Variants in ASCC3 observed in about 807,000 individuals in gnomAD.
The protein encoded by ASCC3 is ASC-1 complex subunit P200.
A neutral mutation model predicts 256.3 loss-of-function variants in ASCC3; 158 were observed. That is an observed-to-expected ratio of 0.62 (90% CI 0.54 to 0.70). ASCC3 has a LOEUF of 0.70. ASCC3 is among the 30% of genes least tolerant of loss of function. ASCC3 has a pLI of 0.00. For synonymous variants in ASCC3, 948 were observed against 883.4 expected (o/e 1.07, Z -1.30); for missense variants, 2,259 against 2,626.0 (o/e 0.86, Z 3.05).
Position 100,586,289 on chromosome 6 carries a change from G to A in ASCC3, c.5550+3345C>T, listed in dbSNP as rs568242134. ...TACCTAAGCAAGCCTGGGCAATGGC[G>A]GGTGACCCTTCCCCAGCCTTGCTGC... On this transcript the variant is annotated intron_variant, in intron 36 of 41. Coordinates refer to ENST00000369162, the MANE Select transcript of ASCC3 (RefSeq NM_006828.4). Among the ~76,000 whole-genome samples the A allele has an allele frequency of 6.1e-4, 93 of 152,280 alleles. No homozygotes were observed. In the Middle Eastern group the frequency reaches 0.01, roughly 17 times the overall value.
At chr6:100,680,565 C>T (rs915515542) in intron 13 of ASCC3, among the ~76,000 whole-genome samples, 1 of 152,176 alleles carries the variant, frequency 6.6e-6, no homozygotes, top group Non-Finnish European at 1.5e-5. Context: ...CTCATATAGA[C>T]TACTGCTCTT....
At chr6:100,590,151 C>T (rs1216703007) in intron 34 of ASCC3, 92 bp from the exon 35 acceptor site, 1 of 864,626 alleles carries the variant, frequency 1.2e-6, no homozygotes, top group African/African-American at 1.7e-5. Flanking sequence ...TAAATATAAT[C>T]CCCTTTTATT....
chr6:100,772,441 G>A (rs1048825893), intron 8 of ASCC3, among the ~76,000 whole-genome samples: 1 of 152,012 alleles, frequency 6.6e-6, no homozygotes, highest in African/African-American at 2.4e-5. Flanking sequence ...TAAACAAAAT[G>A]TTATATATTG....
chr6:100,821,726 A>T (rs1385049772), intron 4 of ASCC3, among the ~76,000 whole-genome samples: 2 of 152,122 alleles, frequency 1.3e-5, no homozygotes, highest in African/African-American at 4.8e-5. Context: ...CAGAAGGCTG[A>T]GGCAAGAGAA....
At chr6:100,859,453 C>G (rs1773118361) in intron 3 of ASCC3, among the ~76,000 whole-genome samples, 1 of 152,046 alleles carries the variant, frequency 6.6e-6, no homozygotes, top group Non-Finnish European at 1.5e-5. Flanking sequence ...GTCACAAATA[C>G]TGCTATATCC....
intron 4 of ASCC3, among the ~76,000 whole-genome samples, chr6:100,816,556 A>C (rs748363732): frequency 6.6e-6 from 1 of 152,198 alleles, no homozygotes; most frequent in Non-Finnish European, 1.5e-5. Flanking sequence ...GTACATATAC[A>C]TTATGGAATA....
intron 22 of ASCC3, among the ~76,000 whole-genome samples, chr6:100,645,255 T>C (rs1192847294): frequency 6.6e-6 from 1 of 152,132 alleles, no homozygotes; most frequent in East Asian, 1.9e-4. Context: ...AGTTTATGGG[T>C]AACTGTAAAT....
chr6:100,843,725 T>C (rs1308012289), intron 4 of ASCC3, among the ~76,000 whole-genome samples: 1 of 151,910 alleles, frequency 6.6e-6, no homozygotes, highest in Non-Finnish European at 1.5e-5. Flanking sequence ...TTCTTTAGGG[T>C]AGTCAGACAT....
intron 36 of ASCC3, among the ~76,000 whole-genome samples, chr6:100,569,371 C>CT (rs1451079658): frequency 6.6e-6 from 1 of 151,642 alleles, no homozygotes; most frequent in Non-Finnish European, 1.5e-5. Flanking sequence ...TTACTGTAAC[C>CT]TTTTTTTATT....
chr6:100,866,434 A>G (rs1773481575), intron 2 of ASCC3, among the ~76,000 whole-genome samples: 1 of 152,248 alleles, frequency 6.6e-6, no homozygotes, highest in Admixed American at 6.5e-5. Context: ...AAGTTCATTC[A>G]TTCATCACAG....
At chr6:100,750,156 A>G (rs189157906) in intron 10 of ASCC3, among the ~76,000 whole-genome samples, 25 of 152,112 alleles carry the variant, frequency 1.6e-4, no homozygotes, top group Admixed American at 5.9e-4. Flanking sequence ...TGAAACTAAA[A>G]AAAATTGCCC....
intron 36 of ASCC3, among the ~76,000 whole-genome samples, chr6:100,578,007 T>A (rs759318552): frequency 2.6e-5 from 4 of 152,078 alleles, no homozygotes; most frequent in Non-Finnish European, 4.4e-5. Context: ...GACAATTTCC[T>A]TTAGCTTAGC....
intron 30 of ASCC3, among the ~76,000 whole-genome samples, chr6:100,613,944 T>G (rs1203310386): frequency 1.3e-5 from 2 of 152,144 alleles, no homozygotes; most frequent in East Asian, 3.8e-4. Flanking sequence ...TCTTGGCCAT[T>G]TGTATGTCTT....
chr6:100,784,684 C>A (rs1782609409), intron 8 of ASCC3, among the ~76,000 whole-genome samples: 2 of 151,918 alleles, frequency 1.3e-5, no homozygotes, highest in Admixed American at 1.3e-4. Context: ...TCAAAGAATT[C>A]TGCTAAAGTT....
chr6:100,528,724 A>G (rs1774718500), intron 37 of ASCC3, among the ~76,000 whole-genome samples: 1 of 152,218 alleles, frequency 6.6e-6, no homozygotes, highest in African/African-American at 2.4e-5. Flanking sequence ...ACTATATATA[A>G]CAATGGAAAC....
intron 8 of ASCC3, among the ~76,000 whole-genome samples, chr6:100,796,176 A>G (rs1228771748): frequency 6.6e-6 from 1 of 152,206 alleles, no homozygotes; most frequent in African/African-American, 2.4e-5. Context: ...AAATAAAAAT[A>G]AAAAACAGTG....
chr6:100,562,651 C>A (rs116110834), intron 36 of ASCC3, among the ~76,000 whole-genome samples: 1 of 151,840 alleles, frequency 6.6e-6, no homozygotes, highest in Non-Finnish European at 1.5e-5. Flanking sequence ...CTGGTCTTTA[C>A]GGAAAAGTTT....
chr6:100,685,903 C>T lies in ASCC3; in HGVS notation c.2152-6151G>A, dbSNP rs73502942. On this transcript the variant is annotated intron_variant, in intron 13 of 41. Transcript: ENST00000369162. ...AGAGTTTTTGTTTTAGATCACAGTG[C>T]GAGCCAGCTGAAGACACTCAAGTCA... 6.6e-3 allele frequency among the ~76,000 whole-genome samples: 1,001 copies of T among 152,222 alleles called. 9 individuals carry two copies. The highest frequency in any genetic ancestry group is 0.024 in the African/African-American group (983 of 41,550).
intron 17 of ASCC3, 96 bp from the exon 18 acceptor site, chr6:100,652,985 G>T: frequency 8.5e-7 from 1 of 1,174,744 alleles, no homozygotes; most frequent in Non-Finnish European, 1.2e-6. Context: ...TTTTCTTAAT[G>T]TTTTAGTTAG....
Sources: allele counts gnomAD v4.1 joint callset (sites outside exome capture counted in the v4.1 genomes callset), GRCh38; gene constraint gnomAD v4.1.1; transcripts MANE v1.5; gene names NCBI Gene and HGNC (gene_info 2026-07-23, HGNC 2026-07-21).